Variants in ACOT11 observed in about 807,000 individuals in gnomAD.
ACOT11 encodes the protein acyl-CoA thioesterase 11.
Under a neutral mutation model 77.5 loss-of-function variants are expected in ACOT11, and 69 were observed. That is an observed-to-expected ratio of 0.89 (90% CI 0.73 to 1.09). The LOEUF (loss-of-function observed/expected upper bound fraction) is 1.09, where lower values mean the gene tolerates loss of function less well. Among genes scored for constraint, ACOT11 ranks in the 50% least tolerant of loss-of-function variants. The probability of loss-of-function intolerance (pLI) is 0.00; values close to 1 mark genes in which losing one functional copy is unlikely to be tolerated. For missense variants in ACOT11, 766 were observed against 813.7 expected (o/e 0.94, Z 0.71); for synonymous variants, 279 against 313.0 (o/e 0.89, Z 1.15).
At chr1:54,553,153 C>CT (rs1018223441) in intron 1 of ACOT11, among the ~76,000 whole-genome samples, 2 of 150,914 alleles carry the variant, frequency 1.3e-5, no homozygotes, top group African/African-American at 2.5e-5. Context: ...CTGGAGGACT[C>CT]TTTTTTTGCT....
At chr1:54,638,133 A>G (rs1644341326) in exon 17 of ACOT11, 1 of 151,726 alleles carries the variant, frequency 6.6e-6, no homozygotes, top group Non-Finnish European at 1.5e-5. Flanking sequence ...AAAGTAAAAG[A>G]TCTTAGAAGC....
intron 1 of ACOT11, among the ~76,000 whole-genome samples, chr1:54,578,102 A>G (rs1325888467): frequency 6.7e-6 from 1 of 150,024 alleles, no homozygotes; most frequent in Non-Finnish European, 1.5e-5. Context: ...CAGTTCTATG[A>G]GTGAGGCTGT....
chr1:54,609,953 G>A lies in ACOT11; in HGVS notation c.*841G>A, dbSNP rs752052761. 5.9e-5 allele frequency: 95 copies of A among 1,596,994 alleles called. 1 individual carries two copies. The South Asian group carries it at 9.2e-4, about 15-fold the overall frequency. On this transcript the variant is annotated 3_prime_UTR_variant, in exon 16 of 16. Coordinates refer to ENST00000343744, the MANE Select transcript of ACOT11 (RefSeq NM_147161.4). ...CATGCCTTCTGTGTCTGGAAGAGGCGGCAGAGGCAACAGTGTTTAGGATTT... is the reference window on the plus strand; with the variant it reads ...CATGCCTTCTGTGTCTGGAAGAGGCAGCAGAGGCAACAGTGTTTAGGATTT...
intron 8 of ACOT11, among the ~76,000 whole-genome samples, chr1:54,600,457 A>T (rs1463261626): frequency 2.6e-5 from 4 of 152,144 alleles, no homozygotes; most frequent in Admixed American, 2.6e-4. Context: ...CCGAGGCAGG[A>T]AGATCACTTA....
chr1:54,626,497 CA>C (rs1644273820), intron 15 of ACOT11, among the ~76,000 whole-genome samples: 1 of 137,244 alleles, frequency 7.3e-6, no homozygotes, highest in African/African-American at 2.5e-5. Context: ...TGTCACACAA[CA>C]CTGCCAAATG....
In ACOT11 at chr1:54,594,604, C is replaced by A; in HGVS notation, c.520C>A (p.His174Asn). 2 of 1,614,198 alleles carry A rather than the reference C, an allele frequency of 1.2e-6. No individual in the cohort carries two copies. Among genetic ancestry groups the A allele is most frequent in the South Asian group, 2.2e-5 (2 of 91,074 alleles). The change falls in exon 6 of 16, where the codon CAC (histidine) becomes AAC (asparagine). Residue 174 changes from histidine (H) to asparagine (N), a missense_variant. Physicochemically the swap from His to Asn is moderately conservative, Grantham distance 68. Transcript: ENST00000343744. Reference protein sequence around the residue: ...TPRTEEEKMEHSVAAERRRMR... With the variant: ...TPRTEEEKMENSVAAERRRMR... ...GCGGACAGAAGAGGAGAAGATGGAGCACAGTGTGGCGGCTGAGCGCCGGCG... is the reference window on the plus strand; with the variant it reads ...GCGGACAGAAGAGGAGAAGATGGAGAACAGTGTGGCGGCTGAGCGCCGGCG...
chr1:54,601,138 T>TGC, intron 8 of ACOT11, 131 bp from the exon 9 acceptor site: 4 of 843,162 alleles, frequency 4.7e-6, no homozygotes, highest in Admixed American at 3.3e-5. Context: ...TGTGTGTGCA[T>TGC]ACGTGTGTGT....
At chr1:54,603,622 C>T (rs1302148382) in intron 10 of ACOT11, among the ~76,000 whole-genome samples, 1 of 152,116 alleles carries the variant, frequency 6.6e-6, no homozygotes, top group South Asian at 2.1e-4. Context: ...GTGTGGGAAT[C>T]GAGCCTTAGA....
chr1:54,560,125 A>G (rs995103171), intron 1 of ACOT11, among the ~76,000 whole-genome samples: 4 of 152,196 alleles, frequency 2.6e-5, no homozygotes, highest in African/African-American at 9.7e-5. Flanking sequence ...GATGAGCCAG[A>G]CTAGACGTGT....
At chr1:54,594,083 G>C in intron 5 of ACOT11, 44 bp downstream of exon 5, 1 of 1,571,152 alleles carries the variant, frequency 6.4e-7, no homozygotes, top group South Asian at 1.1e-5. Flanking sequence ...TCAGTGACCT[G>C]GGCACCTGCC....
exon 17 of ACOT11, chr1:54,635,487 A>G (rs776551427): frequency 1.9e-5 from 4 of 213,014 alleles, no homozygotes; most frequent in Non-Finnish European, 2.8e-5. Context: ...TTGGGAAAGA[A>G]TAAAAGAGTA....
chr1:54,634,095 G>A (rs866611462), intron 16 of ACOT11, among the ~76,000 whole-genome samples: 4 of 152,136 alleles, frequency 2.6e-5, no homozygotes, highest in Admixed American at 1.3e-4. Context: ...AAATTACATG[G>A]ATATGATCCT....
rs925435500 is a variant in ACOT11 at position 54,634,064 on chromosome 1, A to T, written c.1783-624A>T. On this transcript the variant is annotated intron_variant, in intron 16 of 16. Transcript: ENST00000371316. ...AGATCAAATCGCTACTATGATAGGG[A>T]TTGGGAGAACTCGGATTGTTAAATT... Among the ~76,000 whole-genome samples, 8 of 152,292 alleles carry T rather than the reference A, an allele frequency of 5.3e-5. No individual in the cohort carries two copies. The South Asian group carries it at 1.2e-3, about 24-fold the overall frequency.
chr1:54,579,085 T>C (rs1654211043), intron 1 of ACOT11, among the ~76,000 whole-genome samples: 1 of 152,242 alleles, frequency 6.6e-6, no homozygotes, highest in Non-Finnish European at 1.5e-5. Context: ...TCGTTTGTCT[T>C]CTAGAATGAA....
intron 15 of ACOT11, among the ~76,000 whole-genome samples, chr1:54,615,643 G>C (rs920542772): frequency 6.6e-6 from 1 of 152,066 alleles, no homozygotes; most frequent in Non-Finnish European, 1.5e-5. Flanking sequence ...AGGCATTATG[G>C]TGACGCCTGG....
At chr1:54,613,386 A>T (rs1329191696), downstream of ACOT11, among the ~76,000 whole-genome samples, 1 of 151,956 alleles carries the variant, frequency 6.6e-6, no homozygotes, top group Admixed American at 6.6e-5. Context: ...CTCAAAAAAA[A>T]AAAACTTTTT....
At chr1:54,550,512 CA>C (rs1468768479) in intron 1 of ACOT11, among the ~76,000 whole-genome samples, 1 of 152,148 alleles carries the variant, frequency 6.6e-6, no homozygotes, top group Non-Finnish European at 1.5e-5. Context: ...AGCAAACAAG[CA>C]AACAAATAAA....
At chr1:54,549,927 G>A (rs1653004129) in intron 1 of ACOT11, among the ~76,000 whole-genome samples, 1 of 152,192 alleles carries the variant, frequency 6.6e-6, no homozygotes, top group Non-Finnish European at 1.5e-5. Flanking sequence ...GTAACTGGGG[G>A]CAAGGCACTG....
chr1:54,562,535 C>G (rs1237419456), intron 1 of ACOT11, among the ~76,000 whole-genome samples: 6 of 63,070 alleles, frequency 9.5e-5, no homozygotes, highest in Non-Finnish European at 2.1e-4. Flanking sequence ...GCTGGCCGGG[C>G]GGGGGGCTGA....
Sources: allele counts gnomAD v4.1 joint callset (sites outside exome capture counted in the v4.1 genomes callset), GRCh38; gene constraint gnomAD v4.1.1; transcripts MANE v1.5; gene names NCBI Gene and HGNC (gene_info 2026-07-23, HGNC 2026-07-21).